MEGF10: variants seen among roughly 807,000 people sequenced by gnomAD.
MEGF10 encodes multiple EGF like domains 10, also known as multiple epidermal growth factor-like domains protein 10.
MEGF10 carries 86 observed loss-of-function variants against 147.5 expected under a neutral mutation model. The observed-to-expected ratio is 0.58, with a 90% CI of 0.49 to 0.70. MEGF10 has a LOEUF of 0.70. MEGF10 is among the 30% of genes least tolerant of loss of function. The probability of loss-of-function intolerance (pLI) is 0.00; values close to 1 mark genes in which losing one functional copy is unlikely to be tolerated. For synonymous variants in MEGF10, 478 were observed against 525.5 expected (o/e 0.91, Z 1.24); for missense variants, 1,329 against 1,487.3 (o/e 0.89, Z 1.75).
At chr5:127,402,502 C>T (rs1262116264) in intron 7 of MEGF10, 44 bp from the exon 8 acceptor site, 1 of 1,587,610 alleles carries the variant, frequency 6.3e-7, no homozygotes, top group Non-Finnish European at 8.6e-7. Flanking sequence ...TTGTCTTTCC[C>T]TGGCTGGAGG....
intron 5 of MEGF10, among the ~76,000 whole-genome samples, chr5:127,376,797 G>A (rs77897580): frequency 0.021 from 3,168 of 152,286 alleles, 55 homozygotes; most frequent in South Asian, 0.076. Context: ...ATGAGGAAAC[G>A]GAGGTGCAGA....
At chr5:127,325,900 TA>T (rs1561572254) in intron 1 of MEGF10, among the ~76,000 whole-genome samples, 27 of 48,092 alleles carry the variant, frequency 5.6e-4, no homozygotes, top group African/African-American at 1.3e-3. Flanking sequence ...TATATATATA[TA>T]TATATATATT....
At chr5:127,265,281 G>T in the MEGF10 span, among the ~76,000 whole-genome samples, 1 of 152,166 alleles carries the variant, frequency 6.6e-6, no homozygotes, top group Non-Finnish European at 1.5e-5. Context: ...AGTATTCCAT[G>T]GTGTATATGT....
At chr5:127,423,368 A>C (rs2126981025) in intron 13 of MEGF10, among the ~76,000 whole-genome samples, 1 of 152,316 alleles carries the variant, frequency 6.6e-6, no homozygotes, top group South Asian at 2.1e-4. Flanking sequence ...GAAGTTTATC[A>C]AGCTAAAAGT....
chr5:127,383,566 T>C (rs1763329182), intron 5 of MEGF10, among the ~76,000 whole-genome samples: 1 of 152,146 alleles, frequency 6.6e-6, no homozygotes, highest in African/African-American at 2.4e-5. Context: ...CTAATACATA[T>C]ATAAAATAAT....
chr5:127,304,775 G>T (rs904222308), intron 1 of MEGF10, among the ~76,000 whole-genome samples: 2 of 152,198 alleles, frequency 1.3e-5, no homozygotes, highest in Non-Finnish European at 2.9e-5. Context: ...AGTTACAGGG[G>T]TGATCCACTG....
At chr5:127,339,531 G>A (rs760137410) in intron 3 of MEGF10, among the ~76,000 whole-genome samples, 3 of 152,138 alleles carry the variant, frequency 2.0e-5, no homozygotes, top group Non-Finnish European at 4.4e-5. Flanking sequence ...GACAGCAGCA[G>A]ATGTCAAGCA....
At chr5:127,230,403 G>C in the MEGF10 span, among the ~76,000 whole-genome samples, 1 of 152,060 alleles carries the variant, frequency 6.6e-6, no homozygotes, top group South Asian at 2.1e-4. Flanking sequence ...CCCTTTAAAT[G>C]GTCTACATCC....
chr5:127,429,786 T>C (rs984095634), intron 13 of MEGF10, among the ~76,000 whole-genome samples: 12 of 152,320 alleles, frequency 7.9e-5, no homozygotes, highest in African/African-American at 2.6e-4. Flanking sequence ...TGACAGGTTT[T>C]CTTTCTTCCC....
chr5:127,434,537 T>C (rs995688162), intron 14 of MEGF10, 150 bp from the exon 15 acceptor site: 5 of 854,688 alleles, frequency 5.9e-6, no homozygotes, highest in Non-Finnish European at 8.5e-6. Context: ...TTTGTTGTTC[T>C]TGTTTTCTAC....
chr5:127,391,095 C>T (rs963914728), intron 5 of MEGF10, among the ~76,000 whole-genome samples: 496 of 30,298 alleles, frequency 0.016, 7 homozygotes, highest in Middle Eastern at 0.033. Flanking sequence ...CATGCGCGCG[C>T]GCGCGCGCAC....
At chr5:127,246,783 T>C in the MEGF10 span, among the ~76,000 whole-genome samples, 448 of 125,530 alleles carry the variant, frequency 3.6e-3, 1 homozygote, top group African/African-American at 0.012. Context: ...TATATTTATA[T>C]ATAATTTATA....
At chr5:127,312,018 C>A (rs957546300) in intron 1 of MEGF10, among the ~76,000 whole-genome samples, 14 of 152,100 alleles carry the variant, frequency 9.2e-5, no homozygotes, top group African/African-American at 3.4e-4. Context: ...AGCAGCATCC[C>A]ATCACAACTC....
chr5:127,240,753 A>G, the MEGF10 span, among the ~76,000 whole-genome samples: 2,306 of 152,324 alleles, frequency 0.015, 46 homozygotes, highest in African/African-American at 0.045. Context: ...TCTAAAATTA[A>G]AATTGTGAAT....
At chr5:127,391,147 CACACACA>C (rs1763673644) in intron 5 of MEGF10, among the ~76,000 whole-genome samples, 1 of 85,388 alleles carries the variant, frequency 1.2e-5, no homozygotes, top group Non-Finnish European at 2.6e-5. Context: ...CACACACACA[CACACACA>C]TACATGCTTA....
At chr5:127,438,254 G>A (rs1765629540) in intron 16 of MEGF10, among the ~76,000 whole-genome samples, 185 bp from the exon 17 acceptor site, 1 of 152,212 alleles carries the variant, frequency 6.6e-6, no homozygotes, top group African/African-American at 2.4e-5. Context: ...AATAATGACA[G>A]TCGTTGTTGA....
At chr5:127,328,739 A>G (rs996102494) in intron 1 of MEGF10, among the ~76,000 whole-genome samples, 5 of 151,594 alleles carry the variant, frequency 3.3e-5, no homozygotes, top group African/African-American at 1.2e-4. Context: ...AATTTGGGGT[A>G]ATTGTTTATG....
chr5:127,366,029 T>C (rs1762640468), intron 4 of MEGF10, among the ~76,000 whole-genome samples: 2 of 152,180 alleles, frequency 1.3e-5, no homozygotes. Context: ...ACAATTAATG[T>C]CTTTAGCCTA....
the MEGF10 span, among the ~76,000 whole-genome samples, chr5:127,250,615 C>T: frequency 1.3e-5 from 2 of 151,844 alleles, no homozygotes; most frequent in African/African-American, 2.4e-5. Flanking sequence ...AAACTTGCTG[C>T]CAGAACTGTT....
Sources: allele counts gnomAD v4.1 joint callset (sites outside exome capture counted in the v4.1 genomes callset), GRCh38; gene constraint gnomAD v4.1.1; transcripts MANE v1.5; gene names NCBI Gene and HGNC (gene_info 2026-07-23, HGNC 2026-07-21).